CREM: variants seen among roughly 807,000 people sequenced by gnomAD.
CREM encodes cAMP-responsive element modulator.
CREM carries 13 observed loss-of-function variants against 37.3 expected under a neutral mutation model. The ratio of observed to expected loss-of-function variants is 0.35; its 90% CI spans 0.23 to 0.55. CREM has a LOEUF of 0.55. Ranked by LOEUF, CREM falls within the 20% of genes least tolerant of loss-of-function variation. CREM has a pLI of 0.88. For synonymous variants in CREM, 124 were observed against 120.2 expected, an observed-to-expected ratio of 1.03 and a Z score of -0.21; for missense variants, 296 against 362.3, an observed-to-expected ratio of 0.82 and a Z score of 1.49.
chr10:35,143,376 T>C (rs1263703569), intron 2 of CREM, among the ~76,000 whole-genome samples: 5 of 148,280 alleles, frequency 3.4e-5, no homozygotes, highest in Non-Finnish European at 6.0e-5. Flanking sequence ...TCTCAGTGTG[T>C]TGGAATAACA....
intron 3 of CREM, among the ~76,000 whole-genome samples, chr10:35,174,801 G>C (rs758515916): frequency 6.6e-5 from 10 of 152,364 alleles, no homozygotes; most frequent in Middle Eastern, 3.4e-3. Flanking sequence ...GTCCAGAGGA[G>C]TGGTTAGTAT....
At chr10:35,159,219 A>T in intron 3 of CREM, among the ~76,000 whole-genome samples, 1 of 152,104 alleles carries the variant, frequency 6.6e-6, no homozygotes, top group Admixed American at 6.6e-5. Context: ...AACTTGTTAC[A>T]TCTTATTACT....
chr10:35,208,351 T>G (rs1588924277), intron 7 of CREM, among the ~76,000 whole-genome samples: 1 of 152,214 alleles, frequency 6.6e-6, no homozygotes, highest in South Asian at 2.1e-4. Context: ...AGCAACATAT[T>G]ATAAAATGCT....
In CREM at chr10:35,134,972, A is replaced by G. The variant is rs920277077; in HGVS notation, c.-54-2810A>G. Among the ~76,000 whole-genome samples, 15 of 151,710 alleles carry G rather than the reference A, an allele frequency of 9.9e-5. No individual in the cohort carries two copies. In the South Asian group the frequency reaches 2.9e-3, roughly 29 times the overall value. Reference sequence around the variant, plus strand: ...AGAACTGCTTGAACCTGGGACGTGGATTTTGCAGTGAGCTGAGATGGTGCC... The same window carrying G: ...AGAACTGCTTGAACCTGGGACGTGGGTTTTGCAGTGAGCTGAGATGGTGCC... On this transcript the variant is annotated intron_variant, in intron 1 of 7. Transcript: ENST00000685392.
intron 3 of CREM, among the ~76,000 whole-genome samples, chr10:35,164,743 CT>C (rs1175414639): frequency 6.6e-6 from 1 of 152,166 alleles, no homozygotes; most frequent in African/African-American, 2.4e-5. Context: ...AATTAGTCTG[CT>C]TTGCATTGCT....
In CREM at chr10:35,211,529, T is replaced by C. The variant is rs1175032569; in HGVS notation, c.*131T>C. Reference sequence around the variant, plus strand: ...TCCAGTTTGGATTAGTGTTTGAAATTGAATTGGGAATGTTGTTCCAGGATG... The same window carrying C: ...TCCAGTTTGGATTAGTGTTTGAAATCGAATTGGGAATGTTGTTCCAGGATG... On this transcript the variant is annotated 3_prime_UTR_variant, in exon 8 of 8. Transcript: ENST00000685392. The C allele has an allele frequency of 2.0e-6, 3 of 1,494,910 alleles. No individual in the cohort carries two copies. In the African/African-American group the frequency reaches 4.2e-5, roughly 21 times the overall value. 92.6% of individuals were successfully genotyped at this position (1,494,910 alleles called of 1,614,324 possible). A position where few individuals can be genotyped will look rare whatever the true frequency, so the allele number is the denominator to read the frequency against.
At chr10:35,190,361 G>A (rs1054922756) in intron 6 of CREM, among the ~76,000 whole-genome samples, 6 of 151,930 alleles carry the variant, frequency 3.9e-5, no homozygotes, top group African/African-American at 7.3e-5. Context: ...TTTTTTCTCC[G>A]TATATGGAGC....
At chr10:35,186,819 CATAT>C (rs1290096943) in intron 5 of CREM, among the ~76,000 whole-genome samples, 3 of 113,416 alleles carry the variant, frequency 2.6e-5, no homozygotes, top group East Asian at 4.8e-4. Flanking sequence ...TTGTACATAA[CATAT>C]ATACATATAT....
chr10:35,199,455 T>C (rs1411380436), intron 6 of CREM, among the ~76,000 whole-genome samples: 1 of 152,220 alleles, frequency 6.6e-6, no homozygotes, highest in African/African-American at 2.4e-5. Flanking sequence ...ATGTAAACTT[T>C]AAAATAAAAA....
rs564315252 is a variant in CREM at position 35,149,563 on chromosome 10, G to T, written c.168+1072G>T. On this transcript the variant is annotated intron_variant, in intron 3 of 7. Transcript: ENST00000685392. ...GAGTCGGAACTGAAGACACCATCAG[G>T]GTGCCTGGTGGAGTCAAAGTAGCGT... 1.1e-4 allele frequency among the ~76,000 whole-genome samples: 17 copies of T among 152,218 alleles called. No homozygotes were observed. In the South Asian group the frequency reaches 3.1e-3, roughly 28 times the overall value.
Position 35,127,071 on chromosome 10 carries a change from C to A in CREM, c.-177C>A, listed in dbSNP as rs904173619. On this transcript the variant is annotated 5_prime_UTR_variant, in exon 1 of 8. Coordinates refer to ENST00000685392, the MANE Select transcript of CREM (RefSeq NM_183011.2). ...AGCTGACGTGAGGACTACGTGGGGC[C>A]GCTGCCGGCTCCGGGTTGCTGGGCG... is the stretch of plus-strand genomic sequence containing the variant. 6.5e-6 allele frequency: 1 copy of A among 152,722 alleles called. No homozygotes were observed. Among genetic ancestry groups the A allele is most frequent in the African/African-American group, 2.4e-5 (1 of 41,446 alleles). 9.5% of individuals were successfully genotyped at this position (152,722 alleles called of 1,614,324 possible).
intron 5 of CREM, among the ~76,000 whole-genome samples, chr10:35,187,320 C>T (rs1244432103): frequency 7.9e-5 from 11 of 140,016 alleles, no homozygotes; most frequent in Admixed American, 3.2e-4. Context: ...AGTGCAGTGC[C>T]GCAATCTCAG....
chr10:35,137,242 G>A (rs1441067111), intron 1 of CREM, among the ~76,000 whole-genome samples: 1 of 152,124 alleles, frequency 6.6e-6, no homozygotes, highest in Non-Finnish European at 1.5e-5. Flanking sequence ...GTTTTTTAAT[G>A]GATTGAAGGC....
At chr10:35,180,983 C>A (rs939648720) in intron 5 of CREM, among the ~76,000 whole-genome samples, 1 of 152,240 alleles carries the variant, frequency 6.6e-6, no homozygotes, top group Non-Finnish European at 1.5e-5. Context: ...TAAGACTTCT[C>A]AAAGTGTTGG....
intron 3 of CREM, among the ~76,000 whole-genome samples, chr10:35,162,478 C>T (rs146131971): frequency 6.6e-6 from 1 of 152,306 alleles, no homozygotes; most frequent in East Asian, 1.9e-4. Context: ...CTAGATTTAA[C>T]TATTACATAA....
intron 6 of CREM, chr10:35,201,344 C>A: frequency 8.5e-7 from 1 of 1,179,752 alleles, no homozygotes. Context: ...AGGGAACTAA[C>A]ATTTGTGGAG....
At chr10:35,157,635 CAAAAA>C (rs71523362) in intron 3 of CREM, among the ~76,000 whole-genome samples, 2 of 87,142 alleles carry the variant, frequency 2.3e-5, no homozygotes, top group Non-Finnish European at 2.3e-5. Flanking sequence ...GACCCTGTCT[CAAAAA>C]AAAAAAAAAA....
intron 3 of CREM, among the ~76,000 whole-genome samples, chr10:35,165,747 T>G (rs1267910099): frequency 2.0e-5 from 3 of 151,620 alleles, no homozygotes; most frequent in Non-Finnish European, 2.9e-5. Context: ...ATATCTCATA[T>G]TGGTTAGAAT....
At chr10:35,128,274 C>A (rs7902166) in intron 1 of CREM, among the ~76,000 whole-genome samples, 3,059 of 152,288 alleles carry the variant, frequency 0.02, 90 homozygotes, top group African/African-American at 0.069. Context: ...TTGGGACTTA[C>A]AGGGCCAGTC....
Sources: gnomAD v4.1 joint callset for allele counts (sites outside exome capture counted in the v4.1 genomes callset) on GRCh38, gnomAD v4.1.1 for gene constraint, MANE v1.5 for transcripts, NCBI Gene and HGNC (gene_info 2026-07-23, HGNC 2026-07-21) for gene names.